FYB1: variants seen among roughly 807,000 people sequenced by gnomAD.
FYB1 encodes the protein FYN-binding protein 1.
In FYB1, 41 loss-of-function variants were observed where a neutral mutation model predicts 94.1. The ratio of observed to expected loss-of-function variants is 0.44; its 90% CI spans 0.34 to 0.57. FYB1 has a LOEUF of 0.57. FYB1 is among the 20% of genes least tolerant of loss of function. FYB1 has a pLI of 0.02. For missense variants in FYB1, 1,050 were observed against 976.8 expected, an observed-to-expected ratio of 1.07 and a Z score of -1.00; for synonymous variants, 367 against 353.2, an observed-to-expected ratio of 1.04 and a Z score of -0.44.
chr5:39,139,593 C>A (rs1412515487), intron 4 of FYB1: 1 of 161,716 alleles, frequency 6.2e-6, no homozygotes, highest in East Asian at 1.7e-4. Flanking sequence ...ATCACTGTTT[C>A]ACACCTTTTT....
intron 2 of FYB1, among the ~76,000 whole-genome samples, chr5:39,181,827 C>T (rs1040902136): frequency 2.0e-5 from 3 of 152,112 alleles, no homozygotes; most frequent in African/African-American, 4.8e-5. Flanking sequence ...CCTCCTTAAT[C>T]GAGGCTCATG....
chr5:39,118,610 T>C (rs568126551), intron 16 of FYB1, among the ~76,000 whole-genome samples: 1 of 152,326 alleles, frequency 6.6e-6, no homozygotes, highest in South Asian at 2.1e-4. Flanking sequence ...TGGTCTGTAG[T>C]ACTGCATTTT....
Position 39,124,244 on chromosome 5 carries a change from A to T in FYB1, c.2071+9T>A. On this transcript the variant is annotated intron_variant, in intron 13 of 18. Transcript: ENST00000512982. ...GATACAGAACATACAATCAGTTTTT[A>T]TTACTTACCCAATTGTTTAGGAGGA... The T allele has an allele frequency of 1.3e-6, 2 of 1,553,562 alleles. No homozygotes were observed. The highest frequency in any genetic ancestry group is 8.7e-7 in the Non-Finnish European group (1 of 1,147,080).
intron 1 of FYB1, among the ~76,000 whole-genome samples, chr5:39,224,943 A>G (rs1750410112): frequency 6.6e-6 from 1 of 152,210 alleles, no homozygotes; most frequent in Non-Finnish European, 1.5e-5. Flanking sequence ...ATGCATTTAT[A>G]TTACGGAAAG....
intron 1 of FYB1, among the ~76,000 whole-genome samples, chr5:39,261,830 C>T (rs1752234691): frequency 1.3e-5 from 2 of 152,034 alleles, no homozygotes; most frequent in Non-Finnish European, 2.9e-5. Context: ...GAGTTGGAAG[C>T]CCAGAAGCAG....
At chr5:39,152,407 G>C (rs770802276) in intron 3 of FYB1, among the ~76,000 whole-genome samples, 4 of 152,184 alleles carry the variant, frequency 2.6e-5, no homozygotes, top group Admixed American at 6.5e-5. Flanking sequence ...CCATTACATG[G>C]ATTATGGATA....
At chr5:39,180,048 T>C (rs79194837) in intron 2 of FYB1, among the ~76,000 whole-genome samples, 3 of 152,140 alleles carry the variant, frequency 2.0e-5, no homozygotes, top group Non-Finnish European at 2.9e-5. Flanking sequence ...TTTCTGACCA[T>C]GACTCCTATT....
intron 1 of FYB1, among the ~76,000 whole-genome samples, chr5:39,261,993 A>G (rs1277218045): frequency 1.3e-5 from 2 of 152,224 alleles, no homozygotes; most frequent in African/African-American, 2.4e-5. Context: ...TATAAATGGT[A>G]TCCTTATGAT....
chr5:39,167,299 TTTTTG>T (rs959186933), intron 2 of FYB1, among the ~76,000 whole-genome samples: 3 of 152,100 alleles, frequency 2.0e-5, no homozygotes, highest in African/African-American at 7.2e-5. Context: ...CTTGTTTTTG[TTTTTG>T]TTTTAAGTTA....
At position 39,106,548 on chromosome 5, in the gene FYB1, A is replaced by C. The variant is rs1052819789; in HGVS notation, c.*895T>G. The C allele has an allele frequency of 2.0e-5, 3 of 152,096 alleles. No individual in the cohort carries two copies. Among genetic ancestry groups the C allele is most frequent in the African/African-American group, 7.2e-5 (3 of 41,426 alleles). 9.4% of individuals were successfully genotyped at this position (152,096 alleles called of 1,614,324 possible). ...AAATGGATTTTAAAAAAAGAGAAAA[A>C]AAAATCTAGCGGTAATTGAAACAAA... is the stretch of plus-strand genomic sequence containing the variant. On this transcript the variant is annotated 3_prime_UTR_variant, in exon 19 of 19. Transcript: ENST00000512982.
At chr5:39,268,433 T>C (rs1752527088) in intron 1 of FYB1, among the ~76,000 whole-genome samples, 1 of 152,054 alleles carries the variant, frequency 6.6e-6, no homozygotes, top group African/African-American at 2.4e-5. Flanking sequence ...GATGACATCT[T>C]GCTTTGTTGC....
At chr5:39,199,312 A>G (rs1218788860) in intron 2 of FYB1, among the ~76,000 whole-genome samples, 2 of 152,152 alleles carry the variant, frequency 1.3e-5, no homozygotes, top group African/African-American at 4.8e-5. Context: ...TAAATTACTT[A>G]GTATTTCTAG....
At chr5:39,134,679 T>C (rs1741503250) in intron 8 of FYB1, among the ~76,000 whole-genome samples, 176 bp downstream of exon 8, 1 of 152,204 alleles carries the variant, frequency 6.6e-6, no homozygotes, top group African/African-American at 2.4e-5. Context: ...TCCCACAATA[T>C]AGATAACAGA....
chr5:39,124,899 G>A (rs1182704637), intron 12 of FYB1, among the ~76,000 whole-genome samples: 1 of 144,632 alleles, frequency 6.9e-6, no homozygotes. Flanking sequence ...TCTGAAATAT[G>A]ACTTCTAAAT....
chr5:39,201,001 A>C (rs913525681), intron 2 of FYB1, among the ~76,000 whole-genome samples: 7 of 152,182 alleles, frequency 4.6e-5, no homozygotes, highest in Admixed American at 3.9e-4. Context: ...TAGAAATTTA[A>C]ACTATTTACC....
upstream of FYB1, among the ~76,000 whole-genome samples, chr5:39,223,555 C>T (rs1750356231): frequency 6.6e-6 from 1 of 152,174 alleles, no homozygotes. Flanking sequence ...AGTTTTTGGT[C>T]TTAACATCTG....
In FYB1 at chr5:39,107,443, C is replaced by T. The variant is rs776999508; in HGVS notation, c.2490G>A (p.Ter830=). 5 of 1,528,110 alleles carry T rather than the reference C, an allele frequency of 3.3e-6. No individual in the cohort carries two copies. The Admixed American group carries it at 8.0e-5, about 24-fold the overall frequency. 94.7% of individuals were successfully genotyped at this position (1,528,110 alleles called of 1,614,324 possible). The change falls in exon 19 of 19, where the codon TAG becomes TAA. Residue 830 remains the stop codon, a stop_retained_variant. Coordinates refer to ENST00000512982, the MANE Select transcript of FYB1 (RefSeq NM_001465.6). ...IADGCIYDND[*] is the part of the protein sequence containing the mutation. ...ACAGCAGAATGACCAAAGTTGAGTG[C>T]TAGTCATTGTCATAGATGCAGCCTG...
intron 1 of FYB1, among the ~76,000 whole-genome samples, chr5:39,238,437 C>A (rs1751063769): frequency 2.6e-5 from 4 of 151,926 alleles, no homozygotes; most frequent in Non-Finnish European, 1.5e-5. Flanking sequence ...CCAGTTATAA[C>A]TTGGCAAATA....
chr5:39,226,403 A>ATT (rs1561290323), intron 1 of FYB1, among the ~76,000 whole-genome samples: 22 of 149,782 alleles, frequency 1.5e-4, no homozygotes, highest in East Asian at 2.0e-4. Flanking sequence ...ACCTTTAAAA[A>ATT]AAAAAAAAAT....
Sources: gnomAD v4.1 joint callset for allele counts (sites outside exome capture counted in the v4.1 genomes callset) on GRCh38, gnomAD v4.1.1 for gene constraint, MANE v1.5 for transcripts, NCBI Gene and HGNC (gene_info 2026-07-23, HGNC 2026-07-21) for gene names.